The following RBM26 variants were observed in gnomAD, a reference collection of about 807,000 sequenced individuals.
The protein encoded by RBM26 is RNA-binding protein 26.
In RBM26, 30 loss-of-function variants were observed where a neutral mutation model predicts 123.6. The ratio of observed to expected loss-of-function variants is 0.24; its 90% confidence interval spans 0.18 to 0.33. The LOEUF (loss-of-function observed/expected upper bound fraction) is 0.33, where lower values mean the gene tolerates loss of function less well. Among genes scored for constraint, RBM26 ranks in the 10% least tolerant of loss-of-function variants. RBM26 has a pLI of 1.00. For synonymous variants in RBM26, 400 were observed against 404.4 expected (o/e 0.99, Z 0.13); for missense variants, 947 against 1,203.6 (o/e 0.79, Z 3.15).
chr13:79,357,070 G>A (rs144680427), intron 11 of RBM26, among the ~76,000 whole-genome samples: 1 of 152,184 alleles, frequency 6.6e-6, no homozygotes, highest in East Asian at 1.9e-4. Context: ...CAGATAAATA[G>A]ACACAGAATT....
intron 1 of RBM26, among the ~76,000 whole-genome samples, chr13:79,402,255 A>G (rs903284705): frequency 1.3e-5 from 2 of 152,132 alleles, no homozygotes; most frequent in Non-Finnish European, 2.9e-5. Context: ...ACAAAACATC[A>G]ATCTTAAGCA....
At chr13:79,393,992 T>A (rs73234640) in intron 1 of RBM26, among the ~76,000 whole-genome samples, 2,464 of 152,318 alleles carry the variant, frequency 0.016, 33 homozygotes, top group Non-Finnish European at 0.024. Flanking sequence ...TCACTCTACA[T>A]GCCACGTGAC....
chr13:79,388,992 T>C (rs1030151074), intron 1 of RBM26, among the ~76,000 whole-genome samples: 5 of 152,230 alleles, frequency 3.3e-5, no homozygotes, highest in African/African-American at 4.8e-5. Context: ...CTATGTGGAA[T>C]CTATAATCAT....
In RBM26 at chr13:79,359,588, T is replaced by C. The variant is rs2074423609; in HGVS notation, c.1516A>G (p.Thr506Ala). 6.4e-7 allele frequency: 1 copy of C among 1,569,204 alleles called. No individual in the cohort carries two copies. Among genetic ancestry groups the C allele is most frequent in the Non-Finnish European group, 8.7e-7 (1 of 1,150,118 alleles). Residue 506 changes from threonine to alanine, a missense_variant, in exon 10 of 22, where the codon ACT becomes GCT. This residue lies in a region of RBM26 where 493 missense variants were observed against 563.1 expected (regional missense o/e 0.88). Transcript: ENST00000438737. Reference protein sequence around the residue: ...SGEPGVPTKKTWFDKPNFNRT... With the variant: ...SGEPGVPTKKAWFDKPNFNRT... ...TGGCCACCTTACTTATCAAACCAAG[T>C]CTTCTTTGTAGGAACTCCAGGCTCT...
At chr13:79,335,534 T>C (rs2070202292) in intron 19 of RBM26, among the ~76,000 whole-genome samples, 1 of 152,176 alleles carries the variant, frequency 6.6e-6, no homozygotes, top group Non-Finnish European at 1.5e-5. Context: ...ATATATTAAA[T>C]AATGTAAATT....
chr13:79,337,484 T>C (rs1440669471), intron 18 of RBM26, among the ~76,000 whole-genome samples, 182 bp from the exon 19 acceptor site: 2 of 152,188 alleles, frequency 1.3e-5, no homozygotes, highest in Non-Finnish European at 2.9e-5. Flanking sequence ...AGGTGGCTAG[T>C]AAACTGAAAC....
intron 19 of RBM26, among the ~76,000 whole-genome samples, chr13:79,335,787 T>A (rs2070262601): frequency 6.6e-6 from 1 of 152,160 alleles, no homozygotes; most frequent in Non-Finnish European, 1.5e-5. Flanking sequence ...GTTTGGATTA[T>A]TTTAGCACAT....
At chr13:79,405,643 T>C in intron 1 of RBM26, 61 bp downstream of exon 1, 1 of 1,259,748 alleles carries the variant, frequency 7.9e-7, no homozygotes, top group Non-Finnish European at 1.1e-6. Flanking sequence ...ACTGCACAGA[T>C]CTCTGGGTCC....
intron 9 of RBM26, among the ~76,000 whole-genome samples, chr13:79,360,675 T>C (rs2074573183): frequency 6.6e-6 from 1 of 150,428 alleles, no homozygotes; most frequent in Non-Finnish European, 1.5e-5. Context: ...AATAGACTCA[T>C]AAAATATGAA....
At chr13:79,388,351 C>T (rs369953000) in intron 1 of RBM26, among the ~76,000 whole-genome samples, 2 of 152,350 alleles carry the variant, frequency 1.3e-5, no homozygotes, top group South Asian at 2.1e-4. Context: ...CCACTTGGGC[C>T]TCCCAAAGTG....
chr13:79,360,549 CAT>C (rs912923628), intron 9 of RBM26, among the ~76,000 whole-genome samples: 3 of 151,872 alleles, frequency 2.0e-5, no homozygotes, highest in African/African-American at 7.3e-5. Context: ...GCTTTAAGTT[CAT>C]AGTTTTGAAA....
At chr13:79,365,283 A>G (rs2075142572) in intron 9 of RBM26, among the ~76,000 whole-genome samples, 1 of 152,070 alleles carries the variant, frequency 6.6e-6, no homozygotes, top group Non-Finnish European at 1.5e-5. Context: ...CATCTCTACT[A>G]AAAATACAAA....
intron 1 of RBM26, chr13:79,389,729 T>G (rs990767529): frequency 3.9e-5 from 6 of 152,204 alleles, no homozygotes; most frequent in Non-Finnish European, 7.4e-5. Flanking sequence ...GTAAAGAGGA[T>G]TTTGCTTTTC....
intron 20 of RBM26, among the ~76,000 whole-genome samples, chr13:79,327,745 C>T (rs2068656499): frequency 6.6e-6 from 1 of 151,874 alleles, no homozygotes; most frequent in Non-Finnish European, 1.5e-5. Context: ...AATTTATAAG[C>T]AATGTATGTT....
intron 9 of RBM26, among the ~76,000 whole-genome samples, chr13:79,360,010 G>A (rs1360482558): frequency 3.3e-5 from 5 of 151,948 alleles, no homozygotes; most frequent in African/African-American, 1.2e-4. Context: ...TCCAACACTT[G>A]ATCTCATCAT....
intron 1 of RBM26, among the ~76,000 whole-genome samples, chr13:79,404,902 G>A (rs971007541): frequency 1.3e-5 from 2 of 152,110 alleles, no homozygotes; most frequent in Non-Finnish European, 2.9e-5. Flanking sequence ...GTATACAGTA[G>A]GTACCTAATA....
intron 13 of RBM26, 47 bp from the exon 14 acceptor site, chr13:79,353,271 A>T: frequency 8.0e-6 from 9 of 1,124,510 alleles, no homozygotes; most frequent in Middle Eastern, 3.9e-4. Context: ...CAAACATATA[A>T]AAGTCTGTTG....
rs1226752530 is a variant in RBM26 at position 79,368,947 on chromosome 13, A to G, written c.678T>C (p.Asp226=). 6.2e-7 allele frequency: 1 copy of G among 1,610,890 alleles called. No individual in the cohort carries two copies. The highest frequency in any genetic ancestry group is 1.7e-5 in the Admixed American group (1 of 59,960). Residue 226 remains aspartate (D), a synonymous_variant, in exon 6 of 22, where the codon GAT becomes GAC. Coordinates refer to ENST00000438737, the MANE Select transcript of RBM26 (RefSeq NM_001366735.2). ...CTGGAGTATAATTATTTTCTAATGG[A>G]TCTGTTCTATCCAGGTCATATTTAG... ...VKPKYDLDRT[D]PLENNYTPVS...
intron 17 of RBM26, among the ~76,000 whole-genome samples, chr13:79,342,073 C>G (rs1040629575): frequency 6.6e-6 from 1 of 151,568 alleles, no homozygotes; most frequent in Non-Finnish European, 1.5e-5. Context: ...ATTAGTGGAA[C>G]GAAGTTGTCA....
Sources: allele counts gnomAD v4.1 joint callset (sites outside exome capture counted in the v4.1 genomes callset), GRCh38; gene constraint gnomAD v4.1.1; regional missense constraint gnomAD v4.1.1; transcripts MANE v1.5; gene names NCBI Gene and HGNC (gene_info 2026-07-23, HGNC 2026-07-21).